CEP350: variants seen among roughly 807,000 people sequenced by gnomAD.
CEP350 encodes the protein centrosome-associated protein 350.
Under a neutral mutation model 331.8 loss-of-function variants are expected in CEP350, and 126 were observed. The observed-to-expected ratio is 0.38, with a 90% confidence interval of 0.33 to 0.44. CEP350 has a LOEUF of 0.44. Among genes scored for constraint, CEP350 ranks in the 20% least tolerant of loss-of-function variants. CEP350 has a pLI of 1.00. For synonymous variants in CEP350, 1,200 were observed against 1,259.5 expected (o/e 0.95, Z 1.00); for missense variants, 3,406 against 3,634.6 (o/e 0.94, Z 1.62).
intron 21 of CEP350, 97 bp downstream of exon 21, chr1:180,044,270 A>G: frequency 8.0e-7 from 1 of 1,253,952 alleles, no homozygotes; most frequent in Non-Finnish European, 1.1e-6. Context: ...TGTTTATTTA[A>G]ATAGAACAGT....
rs539520182 is a variant in CEP350, at chr1:179,993,220, C to T, written c.395+999C>T. Among the ~76,000 whole-genome samples the T allele has an allele frequency of 1.3e-3, 200 of 151,260 alleles. 6 individuals carry two copies. The highest frequency in any genetic ancestry group is 1.8e-4 in the Non-Finnish European group (12 of 67,844). ...ATAGAAAGAAGGTCAGGGGTATAAT[C>T]TGGGTAAAGTTCAGAGTTAAAAAAA... On this transcript the variant is annotated intron_variant, in intron 5 of 37. Coordinates refer to ENST00000367607, the MANE Select transcript of CEP350 (RefSeq NM_014810.5).
At chr1:180,029,486 A>C (rs1655873613) in intron 14 of CEP350, among the ~76,000 whole-genome samples, 1 of 152,180 alleles carries the variant, frequency 6.6e-6, no homozygotes, top group African/African-American at 2.4e-5. Flanking sequence ...TTGATTAATA[A>C]TATTCTGTTT....
intron 1 of CEP350, among the ~76,000 whole-genome samples, chr1:179,965,033 T>G (rs953056230): frequency 9.2e-5 from 14 of 152,142 alleles, no homozygotes; most frequent in Non-Finnish European, 1.6e-4. Context: ...GATGTAGGCA[T>G]TTAGTGCTGT....
In CEP350 at chr1:180,034,050, G is replaced by A; in HGVS notation, c.3914G>A (p.Arg1305Lys). 6.2e-7 allele frequency: 1 copy of A among 1,613,772 alleles called. No homozygotes were observed. Among genetic ancestry groups the A allele is most frequent in the Non-Finnish European group, 8.5e-7 (1 of 1,179,756 alleles). Residue 1305 changes from arginine to lysine, a missense_variant, in exon 16 of 38, where the codon AGA becomes AAA. This residue lies in a region of CEP350 where 1,857 missense variants were observed against 1,909.2 expected (regional missense o/e 0.97). Coordinates refer to ENST00000367607, the MANE Select transcript of CEP350 (RefSeq NM_014810.5). ...ACTGATCTGAACCCGGCAGCCAGCA[G>A]AACAACGACAGAGAACATGGCTCCA... is the stretch of plus-strand genomic sequence containing the variant. Reference protein sequence around the residue: ...PLTDLNPAASRTTTENMAPIP... With the variant: ...PLTDLNPAASKTTTENMAPIP...
chr1:180,090,090 A>G (rs1660080391), intron 32 of CEP350, among the ~76,000 whole-genome samples: 1 of 152,186 alleles, frequency 6.6e-6, no homozygotes, highest in African/African-American at 2.4e-5. Flanking sequence ...GAGAGAGACA[A>G]ATTTTCTTCC....
chr1:179,957,962 C>T (rs929245150), intron 1 of CEP350, among the ~76,000 whole-genome samples: 5 of 152,160 alleles, frequency 3.3e-5, no homozygotes, highest in Admixed American at 3.3e-4. Context: ...GTCCAATTCC[C>T]ATATTTTATA....
At chr1:180,001,778 G>C (rs575403557) in intron 6 of CEP350, among the ~76,000 whole-genome samples, 1 of 152,280 alleles carries the variant, frequency 6.6e-6, no homozygotes, top group African/African-American at 2.4e-5. Flanking sequence ...TCAAAGACAA[G>C]AAGAATAAAT....
At chr1:180,055,840 C>T (rs559796427) in intron 25 of CEP350, among the ~76,000 whole-genome samples, 4 of 152,000 alleles carry the variant, frequency 2.6e-5, no homozygotes, top group South Asian at 2.1e-4. Context: ...CCACCTTACC[C>T]GGCCTGAATT....
intron 37 of CEP350, among the ~76,000 whole-genome samples, chr1:180,105,800 A>G (rs1011478725): frequency 1.2e-4 from 19 of 152,252 alleles, no homozygotes; most frequent in African/African-American, 3.9e-4. Flanking sequence ...ACATTTCATA[A>G]TAAACAGTTG....
At chr1:180,060,699 T>C (rs1029197311) in intron 25 of CEP350, among the ~76,000 whole-genome samples, 2 of 152,030 alleles carry the variant, frequency 1.3e-5, no homozygotes, top group Non-Finnish European at 2.9e-5. Flanking sequence ...AAGAGATAAA[T>C]ATATGGTTCT....
chr1:180,043,241 A>G (rs530641928), intron 20 of CEP350, 49 bp downstream of exon 20: 151 of 1,542,348 alleles, frequency 9.8e-5, no homozygotes, highest in Non-Finnish European at 1.3e-4. Flanking sequence ...CTGTTAGGTT[A>G]ATATTCATTC....
intron 36 of CEP350, 137 bp from the exon 37 acceptor site, chr1:180,098,726 G>A: frequency 1.4e-6 from 1 of 699,334 alleles, no homozygotes; most frequent in Non-Finnish European, 2.3e-6. Flanking sequence ...ATGTGGAACT[G>A]TAAGTGGAAG....
intron 19 of CEP350, among the ~76,000 whole-genome samples, chr1:180,042,242 C>G (rs1394729369): frequency 6.6e-6 from 1 of 151,986 alleles, no homozygotes; most frequent in East Asian, 1.9e-4. Flanking sequence ...TCCCTAATCT[C>G]AGTCCTGGGG....
intron 1 of CEP350, among the ~76,000 whole-genome samples, chr1:179,974,948 A>G (rs1000242992): frequency 1.3e-5 from 2 of 152,088 alleles, no homozygotes; most frequent in Non-Finnish European, 2.9e-5. Flanking sequence ...CCATGATTGC[A>G]CCACTGTACT....
rs756668579 is a variant in CEP350 at position 180,006,520 on chromosome 1, G to T, written c.1199G>T (p.Arg400Leu). The T allele has an allele frequency of 1.9e-6, 3 of 1,555,560 alleles. No homozygotes were observed. In the East Asian group the frequency reaches 7.2e-5, roughly 37 times the overall value. The stretch of plus-strand genomic sequence containing the variant: ...GAGAAGAAAGTAGTCAAGCCAGTAC[G>T]AAAAGTCCAAAAAGTAGCACAGTTA... ...SKEKKVVKPV[R>L]KVQKVAQLSS... Residue 400 changes from arginine (R) to leucine (L), a missense_variant, in exon 8 of 38, where the codon CGA becomes CTA. Around this residue, in one of 5 missense-constraint regions of CEP350, gnomAD observed 1,857 missense variants for 1,909.2 expected, o/e 0.97. Transcript: ENST00000367607.
intron 8 of CEP350, among the ~76,000 whole-genome samples, chr1:180,008,084 C>T (rs959700028): frequency 1.3e-5 from 2 of 151,934 alleles, no homozygotes; most frequent in African/African-American, 2.4e-5. Context: ...GTGAACTTTT[C>T]TATACAAGGG....
At chr1:179,978,384 G>A (rs1384480135) in intron 1 of CEP350, among the ~76,000 whole-genome samples, 1 of 152,180 alleles carries the variant, frequency 6.6e-6, no homozygotes, top group Non-Finnish European at 1.5e-5. Context: ...ACTTGTTTGT[G>A]TTGGGGACAT....
At chr1:180,081,119 C>T (rs549549622) in intron 30 of CEP350, among the ~76,000 whole-genome samples, 33 of 152,166 alleles carry the variant, frequency 2.2e-4, no homozygotes, top group African/African-American at 6.0e-4. Context: ...CCACCCGTCT[C>T]GGCCTCCCAA....
chr1:180,024,912 T>A (rs994842199), intron 14 of CEP350, among the ~76,000 whole-genome samples: 2 of 151,956 alleles, frequency 1.3e-5, no homozygotes, highest in African/African-American at 2.4e-5. Flanking sequence ...TACACACACA[T>A]GACTTTATTT....
Sources: gnomAD v4.1 joint callset for allele counts (sites outside exome capture counted in the v4.1 genomes callset) on GRCh38, gnomAD v4.1.1 for gene constraint, gnomAD v4.1.1 regional missense constraint, MANE v1.5 for transcripts, NCBI Gene and HGNC (gene_info 2026-07-23, HGNC 2026-07-21) for gene names.